Variants in ADAMTS20 observed in about 807,000 individuals in gnomAD.
ADAMTS20 encodes the protein A disintegrin and metalloproteinase with thrombospondin motifs 20.
ADAMTS20 carries 225 observed loss-of-function variants against 260.1 expected under a neutral mutation model. That is an observed-to-expected ratio of 0.87 (90% CI 0.78 to 0.97). The LOEUF is 0.97. Ranked by LOEUF, ADAMTS20 falls within the 50% of genes least tolerant of loss-of-function variation. ADAMTS20 has a pLI of 0.00. For missense variants in ADAMTS20, 2,400 were observed against 2,337.7 expected, an observed-to-expected ratio of 1.03 and a Z score of -0.55; for synonymous variants, 802 against 769.5, an observed-to-expected ratio of 1.04 and a Z score of -0.70.
intron 2 of ADAMTS20, among the ~76,000 whole-genome samples, chr12:43,546,955 CTT>C (rs1264614867): frequency 6.6e-6 from 1 of 152,102 alleles, no homozygotes; most frequent in East Asian, 1.9e-4. Context: ...CTGCCAGACT[CTT>C]AGACTCTTCT....
intron 28 of ADAMTS20, among the ~76,000 whole-genome samples, chr12:43,405,762 A>T (rs1180825364): frequency 6.6e-6 from 1 of 152,178 alleles, no homozygotes; most frequent in East Asian, 1.9e-4. Flanking sequence ...TTCAAAACAT[A>T]ATAATTTAGA....
intron 31 of ADAMTS20, among the ~76,000 whole-genome samples, chr12:43,383,072 G>C (rs958963730): frequency 1.3e-5 from 2 of 152,042 alleles, no homozygotes; most frequent in Non-Finnish European, 2.9e-5. Flanking sequence ...TAGAAAACAG[G>C]TAAGGTCACT....
rs1293485444 is a variant in ADAMTS20, at chr12:43,376,097, C to T, written c.5272G>A (p.Val1758Ile). Residue 1758 changes from valine (V) to isoleucine (I), a missense_variant, in exon 35 of 39, where the codon GTC becomes ATC. Physicochemically the swap from Val to Ile is conservative, Grantham distance 29 (BLOSUM62 3). Transcript: ENST00000389420. ...LENPKEYLTL[V>I]QGEENFSEVY... ...TCAGAAAAGTTTTCTTCACCTTGGA[C>T]CAGTGTTAAATATTCCTTAGGGTTC... 6.2e-7 allele frequency: 1 copy of T among 1,610,872 alleles called. No individual in the cohort carries two copies. The highest frequency in any genetic ancestry group is 8.5e-7 in the Non-Finnish European group (1 of 1,178,706).
At chr12:43,463,434 G>A (rs1942100556) in intron 10 of ADAMTS20, among the ~76,000 whole-genome samples, 1 of 152,012 alleles carries the variant, frequency 6.6e-6, no homozygotes, top group Admixed American at 6.6e-5. Flanking sequence ...CCTATTTTGT[G>A]AATATAATGC....
rs1198046429 is a variant in ADAMTS20, at chr12:43,533,318, T to C, written c.454-1123A>G. On this transcript the variant is annotated intron_variant, in intron 2 of 38. Coordinates refer to ENST00000389420, the MANE Select transcript of ADAMTS20 (RefSeq NM_025003.5). ...CTCTGATGGCCAGTGATGATGAGCA[T>C]TTCTTCATGTGTTTTTTACAAACAG... 4.0e-5 allele frequency among the ~76,000 whole-genome samples: 6 copies of C among 151,810 alleles called. No homozygotes were observed. In the East Asian group the frequency reaches 1.2e-3, roughly 30 times the overall value.
chr12:43,439,324 A>G (rs1941614387), intron 18 of ADAMTS20, among the ~76,000 whole-genome samples: 2 of 152,246 alleles, frequency 1.3e-5, no homozygotes, highest in Admixed American at 6.5e-5. Flanking sequence ...CAGGATATAT[A>G]TAAGTTAGAG....
intron 7 of ADAMTS20, among the ~76,000 whole-genome samples, chr12:43,470,045 G>T (rs1232390953): frequency 6.6e-6 from 1 of 152,076 alleles, no homozygotes; most frequent in Non-Finnish European, 1.5e-5. Flanking sequence ...AAATTAAAAA[G>T]AACAAAAAAA....
chr12:43,501,477 G>GCT (rs1299065787), intron 4 of ADAMTS20, among the ~76,000 whole-genome samples: 1 of 62,192 alleles, frequency 1.6e-5, no homozygotes, highest in East Asian at 9.0e-4. Context: ...GCGCGCGCGC[G>GCT]CGCGCACACA....
intron 3 of ADAMTS20, among the ~76,000 whole-genome samples, chr12:43,515,933 G>A (rs185164073): frequency 3.8e-4 from 58 of 152,010 alleles, no homozygotes; most frequent in African/African-American, 1.4e-3. Flanking sequence ...ATGTTTAGTC[G>A]ATCTTATTTA....
At chr12:43,484,889 G>A (rs1322454003) in intron 7 of ADAMTS20, among the ~76,000 whole-genome samples, 1 of 151,930 alleles carries the variant, frequency 6.6e-6, no homozygotes, top group African/African-American at 2.4e-5. Context: ...TATCACCAAG[G>A]CTTACAGTCA....
intron 9 of ADAMTS20, 111 bp from the exon 10 acceptor site, chr12:43,464,843 T>G: frequency 8.1e-7 from 1 of 1,227,960 alleles, no homozygotes; most frequent in Non-Finnish European, 1.1e-6. Flanking sequence ...TATCAGTATT[T>G]ATTCATAACT....
chr12:43,428,223 T>C lies in ADAMTS20; in HGVS notation c.3945+18A>G. On this transcript the variant is annotated intron_variant, in intron 26 of 38. Coordinates refer to ENST00000389420, the MANE Select transcript of ADAMTS20 (RefSeq NM_025003.5). ...AACAAAATTACAGAATTAATATAAC[T>C]CAATAAAGATGGCTTACTGATCCCC... The C allele has an allele frequency of 1.9e-6, 3 of 1,610,686 alleles. No individual in the cohort carries two copies. The highest frequency in any genetic ancestry group is 2.5e-6 in the Non-Finnish European group (3 of 1,178,262).
chr12:43,377,368 G>C lies in ADAMTS20; in HGVS notation c.4992C>G (p.Ser1664Arg). 1 of 1,610,190 alleles carries C rather than the reference G, an allele frequency of 6.2e-7. No homozygotes were observed. Among genetic ancestry groups the C allele is most frequent in the Non-Finnish European group, 8.5e-7 (1 of 1,177,668 alleles). Reference sequence around the variant, plus strand: ...AAATTCATAATTGTACACCGACCTTGCTCCATTTTCCAACTTTCCAAGTGG... The same window carrying C: ...AAATTCATAATTGTACACCGACCTTCCTCCATTTTCCAACTTTCCAAGTGG... ...HLATWKVGKW[S>R]KCSVTCGIGI... The change falls in exon 32 of 39, where the codon AGC (serine) becomes AGG (arginine). Residue 1664 changes from serine to arginine, a missense_variant. Ser to Arg is a moderately radical substitution (Grantham distance 110, BLOSUM62 -1). Coordinates refer to ENST00000389420, the MANE Select transcript of ADAMTS20 (RefSeq NM_025003.5).
At chr12:43,527,090 G>A (rs1943153507) in intron 3 of ADAMTS20, among the ~76,000 whole-genome samples, 1 of 152,120 alleles carries the variant, frequency 6.6e-6, no homozygotes, top group African/African-American at 2.4e-5. Context: ...AAAGCCCAGA[G>A]AAAACAGATA....
rs748773695 is a variant in ADAMTS20, at chr12:43,430,469, G to A, written c.3264C>T (p.Cys1088=). ...ASWQVGPWGP[C]TTTCGHGYQM... ...GATACCCATGTCCACATGTGGTTGT[G>A]CACTGAAAGAAGAATATAGATATTA... Residue 1088 remains cysteine (C), a splice_region_variant and synonymous_variant, in exon 23 of 39, where the codon TGC becomes TGT. Coordinates refer to ENST00000389420, the MANE Select transcript of ADAMTS20 (RefSeq NM_025003.5). The A allele has an allele frequency of 3.1e-6, 5 of 1,609,500 alleles. No homozygotes were observed.
chr12:43,469,104 A>C (rs1775437444), intron 7 of ADAMTS20, among the ~76,000 whole-genome samples: 1 of 152,296 alleles, frequency 6.6e-6, no homozygotes, highest in African/African-American at 2.4e-5. Context: ...AATGGCACAG[A>C]ACTCTACAAA....
Position 43,429,722 on chromosome 12 carries a change from G to A in ADAMTS20, c.3384C>T (p.Ser1128=), listed in dbSNP as rs1382618647. ...TAAATGAGCAAGGTGTAAGTACACA[G>A]CTCTGTTCAGAAGAAAAATGGTTCT... ...HEASRPSDRQ[S]CVLTPCSFIS... is the part of the protein sequence containing the mutation. The change falls in exon 24 of 39, where the codon AGC becomes AGT. Residue 1128 remains serine (S), a splice_region_variant and synonymous_variant. Coordinates refer to ENST00000389420, the MANE Select transcript of ADAMTS20 (RefSeq NM_025003.5). 2 of 1,556,854 alleles carry A rather than the reference G, an allele frequency of 1.3e-6. No individual in the cohort carries two copies. Among genetic ancestry groups the A allele is most frequent in the Non-Finnish European group, 1.7e-6 (2 of 1,150,508 alleles).
At chr12:43,492,657 T>C (rs1942621208) in intron 5 of ADAMTS20, 28 bp from the exon 6 acceptor site, 2 of 1,609,860 alleles carry the variant, frequency 1.2e-6, no homozygotes, top group Non-Finnish European at 1.7e-6. Flanking sequence ...TGCAATACTA[T>C]GTCAAAATAT....
At chr12:43,544,785 CA>C (rs1463693344) in intron 2 of ADAMTS20, among the ~76,000 whole-genome samples, 1 of 152,176 alleles carries the variant, frequency 6.6e-6, no homozygotes, top group African/African-American at 2.4e-5. Flanking sequence ...TTAACAGCCA[CA>C]AGATCATTCA....
Sources: allele counts gnomAD v4.1 joint callset (sites outside exome capture counted in the v4.1 genomes callset), GRCh38; gene constraint gnomAD v4.1.1; transcripts MANE v1.5; gene names NCBI Gene and HGNC (gene_info 2026-07-23, HGNC 2026-07-21).